Variants in NRG3 observed in about 807,000 individuals in gnomAD.
NRG3 encodes the protein neuregulin 3.
In NRG3, 31 loss-of-function variants were observed where a neutral mutation model predicts 66.9. That is an observed-to-expected ratio of 0.46 (90% CI 0.35 to 0.63). NRG3 has a LOEUF of 0.63. Among genes scored for constraint, NRG3 ranks in the 20% least tolerant of loss-of-function variants. The pLI is 0.00. For synonymous variants in NRG3, 393 were observed against 359.4 expected (o/e 1.09, Z -1.06); for missense variants, 910 against 878.9 (o/e 1.04, Z -0.45).
intron 2 of NRG3, among the ~76,000 whole-genome samples, chr10:82,615,112 T>C (rs893699304): frequency 6.6e-6 from 1 of 152,170 alleles, no homozygotes; most frequent in Admixed American, 6.6e-5. Flanking sequence ...AATATTCTAG[T>C]ACCTTCTTCA....
intron 1 of NRG3, among the ~76,000 whole-genome samples, chr10:81,945,800 A>G (rs989234745): frequency 2.0e-5 from 3 of 152,144 alleles, no homozygotes; most frequent in African/African-American, 7.2e-5. Flanking sequence ...CTATTTCAAC[A>G]TGACTGGTGT....
intron 2 of NRG3, among the ~76,000 whole-genome samples, chr10:82,466,526 C>A (rs772237414): frequency 6.6e-6 from 1 of 152,200 alleles, no homozygotes; most frequent in Non-Finnish European, 1.5e-5. Context: ...GCCTTGAAAT[C>A]GACCTGCTTC....
At chr10:82,013,732 AT>A (rs76461624) in intron 1 of NRG3, among the ~76,000 whole-genome samples, 17,406 of 152,050 alleles carry the variant, frequency 0.11, 1,229 homozygotes, top group East Asian at 0.16. Flanking sequence ...ATTATCTCTA[AT>A]TTTCTCACTC....
At chr10:82,676,310 C>T (rs1051925489) in intron 2 of NRG3, among the ~76,000 whole-genome samples, 2 of 152,070 alleles carry the variant, frequency 1.3e-5, no homozygotes, top group Admixed American at 6.5e-5. Flanking sequence ...GAAACATCTG[C>T]TTGGATTGCC....
intron 2 of NRG3, among the ~76,000 whole-genome samples, chr10:82,537,161 A>G (rs1396216517): frequency 6.6e-6 from 1 of 151,976 alleles, no homozygotes; most frequent in Non-Finnish European, 1.5e-5. Context: ...CGTGGTCTGT[A>G]AGCTACACTT....
At chr10:82,955,427 G>T (rs150678220) in intron 5 of NRG3, among the ~76,000 whole-genome samples, 1 of 151,858 alleles carries the variant, frequency 6.6e-6, no homozygotes, top group Non-Finnish European at 1.5e-5. Context: ...TGTGGCTCAC[G>T]CAATGACTGT....
intron 1 of NRG3, among the ~76,000 whole-genome samples, chr10:81,927,642 G>T (rs1461669389): frequency 1.3e-5 from 2 of 152,086 alleles, no homozygotes; most frequent in Admixed American, 6.5e-5. Flanking sequence ...AAGTTCAGAG[G>T]TTCCATAAAC....
chr10:82,882,143 C>A (rs1229021255), intron 4 of NRG3, among the ~76,000 whole-genome samples: 1 of 152,172 alleles, frequency 6.6e-6, no homozygotes, highest in African/African-American at 2.4e-5. Context: ...TTAAGACTTA[C>A]CACCCTTTCC....
intron 2 of NRG3, among the ~76,000 whole-genome samples, chr10:82,715,177 T>C (rs1405373519): frequency 6.6e-6 from 1 of 152,104 alleles, no homozygotes; most frequent in African/African-American, 2.4e-5. Context: ...GGTGGATCGC[T>C]TGAGGCCAGG....
chr10:82,474,636 G>C (rs1345679819), intron 2 of NRG3, among the ~76,000 whole-genome samples: 1 of 152,028 alleles, frequency 6.6e-6, no homozygotes, highest in African/African-American at 2.4e-5. Flanking sequence ...CATTACCAAG[G>C]GGACCAATGT....
chr10:82,624,704 C>CATAT (rs142784571), intron 2 of NRG3, among the ~76,000 whole-genome samples: 5 of 147,128 alleles, frequency 3.4e-5, no homozygotes, highest in South Asian at 4.2e-4. Context: ...CATATGCATA[C>CATAT]ATATATATAT....
At chr10:82,758,963 T>C (rs1490247795) in intron 3 of NRG3, among the ~76,000 whole-genome samples, 1 of 152,072 alleles carries the variant, frequency 6.6e-6, no homozygotes, top group Non-Finnish European at 1.5e-5. Context: ...ATTAACATCT[T>C]GAACTGCTAT....
intron 2 of NRG3, among the ~76,000 whole-genome samples, chr10:82,597,277 G>A (rs933578883): frequency 2.6e-5 from 4 of 152,110 alleles, no homozygotes; most frequent in African/African-American, 9.7e-5. Flanking sequence ...TAGCGTGAGA[G>A]GAAGGTAAGT....
chr10:82,375,099 A>T (rs1199724829), intron 2 of NRG3, among the ~76,000 whole-genome samples: 2 of 152,164 alleles, frequency 1.3e-5, no homozygotes, highest in African/African-American at 2.4e-5. Context: ...TTTTTCCCAA[A>T]CAGTAGAACT....
intron 1 of NRG3, among the ~76,000 whole-genome samples, chr10:82,338,838 T>TA (rs1187459209): frequency 6.6e-6 from 1 of 152,164 alleles, no homozygotes; most frequent in East Asian, 1.9e-4. Context: ...AGTAAAGTAG[T>TA]AATGCAAACC....
At chr10:82,208,458 G>A (rs2075236409) in intron 1 of NRG3, among the ~76,000 whole-genome samples, 1 of 152,034 alleles carries the variant, frequency 6.6e-6, no homozygotes, top group African/African-American at 2.4e-5. Context: ...GAGCACATGG[G>A]GACTATGCCA....
rs191144659 is a variant in NRG3, at chr10:82,576,845, T to C, written c.954-161732T>C. On this transcript the variant is annotated intron_variant, in intron 2 of 8. Coordinates refer to ENST00000372141, the MANE Select transcript of NRG3 (RefSeq NM_001010848.4). ...TTGTTAGTAAATAAACAAATGTCTC[T>C]AGGCACATGCTGATGGCTTATTTTT... Among the ~76,000 whole-genome samples the C allele has an allele frequency of 9.2e-5, 14 of 151,922 alleles. No homozygotes were observed. The East Asian group carries it at 2.5e-3, about 27-fold the overall frequency.
intron 1 of NRG3, among the ~76,000 whole-genome samples, chr10:82,178,658 G>C (rs1189012200): frequency 6.6e-6 from 1 of 152,080 alleles, no homozygotes; most frequent in Non-Finnish European, 1.5e-5. Flanking sequence ...TGGTTATAGT[G>C]AGTAATGCTG....
chr10:82,464,868 G>A (rs1301686740), intron 2 of NRG3, among the ~76,000 whole-genome samples: 2 of 152,214 alleles, frequency 1.3e-5, no homozygotes, highest in Non-Finnish European at 2.9e-5. Flanking sequence ...AGAAGCAGGA[G>A]TGTTTCCCCC....
Sources: allele counts gnomAD v4.1 joint callset (sites outside exome capture counted in the v4.1 genomes callset), GRCh38; gene constraint gnomAD v4.1.1; transcripts MANE v1.5; gene names NCBI Gene and HGNC (gene_info 2026-07-23, HGNC 2026-07-21).